The following SLC9A9 variants were observed in gnomAD, a reference collection of about 807,000 sequenced individuals.
The protein encoded by SLC9A9 is solute carrier family 9 member A9.
A neutral mutation model predicts 77.8 loss-of-function variants in SLC9A9; 62 were observed. The observed-to-expected ratio is 0.80, with a 90% confidence interval of 0.65 to 0.98. The LOEUF (loss-of-function observed/expected upper bound fraction) is 0.98. Ranked by LOEUF, SLC9A9 falls within the 50% of genes least tolerant of loss-of-function variation. The pLI is 0.00. For missense variants in SLC9A9, 775 were observed against 774.9 expected (o/e 1.00, Z 0.00); for synonymous variants, 320 against 283.5 (o/e 1.13, Z -1.29).
intron 14 of SLC9A9, among the ~76,000 whole-genome samples, chr3:143,306,251 C>T (rs1198967106): frequency 2.0e-5 from 3 of 152,200 alleles, no homozygotes; most frequent in African/African-American, 7.2e-5. Context: ...CCCCAGAGGA[C>T]CTGGCCCTTT....
chr3:143,511,705 C>A (rs1279767303), intron 9 of SLC9A9, among the ~76,000 whole-genome samples: 2 of 152,178 alleles, frequency 1.3e-5, no homozygotes, highest in Non-Finnish European at 2.9e-5. Flanking sequence ...TAGTCTGTGG[C>A]CTAAGCCCTC....
At chr3:143,385,170 C>T (rs566151658) in intron 12 of SLC9A9, among the ~76,000 whole-genome samples, 2 of 151,814 alleles carry the variant, frequency 1.3e-5, no homozygotes, top group Non-Finnish European at 2.9e-5. Context: ...ATTGTATCTG[C>T]CAGTTAGATT....
chr3:143,540,558 A>G (rs1160944769), intron 9 of SLC9A9, among the ~76,000 whole-genome samples: 1 of 152,188 alleles, frequency 6.6e-6, no homozygotes, highest in East Asian at 1.9e-4. Context: ...ATAAAAGGAT[A>G]AAACAATAGA....
chr3:143,716,119 G>A (rs1264417454), intron 4 of SLC9A9, among the ~76,000 whole-genome samples: 3 of 152,176 alleles, frequency 2.0e-5, no homozygotes, highest in Non-Finnish European at 4.4e-5. Flanking sequence ...CTGTTGCCCA[G>A]GTTGGATTGC....
intron 14 of SLC9A9, among the ~76,000 whole-genome samples, chr3:143,273,487 CCATCT>C (rs1195746978): frequency 6.6e-6 from 1 of 152,138 alleles, no homozygotes; most frequent in Non-Finnish European, 1.5e-5. Flanking sequence ...AAGAAGGCAG[CCATCT>C]GCAAGCCAGG....
At chr3:143,369,496 T>G (rs771215793) in intron 13 of SLC9A9, among the ~76,000 whole-genome samples, 22 of 152,130 alleles carry the variant, frequency 1.4e-4, no homozygotes, top group Non-Finnish European at 2.6e-4. Context: ...AGAGAGGATT[T>G]TAAATGTTCC....
chr3:143,462,455 AT>A (rs1171411066), intron 12 of SLC9A9, among the ~76,000 whole-genome samples: 1 of 152,176 alleles, frequency 6.6e-6, no homozygotes, highest in African/African-American at 2.4e-5. Context: ...ATGCTAACAA[AT>A]TTTTTTACTG....
intron 4 of SLC9A9, among the ~76,000 whole-genome samples, chr3:143,765,132 TTTC>T (rs964298240): frequency 6.6e-6 from 1 of 150,760 alleles, no homozygotes; most frequent in African/African-American, 2.4e-5. Context: ...TCTCTCTTTC[TTTC>T]TTTTTCTTTC....
chr3:143,707,547 C>T (rs2108793907), intron 4 of SLC9A9, among the ~76,000 whole-genome samples: 1 of 152,096 alleles, frequency 6.6e-6, no homozygotes, highest in East Asian at 1.9e-4. Flanking sequence ...CCTTTGTTTC[C>T]CAAATATAAA....
At chr3:143,270,299 T>C (rs1041813576) in intron 14 of SLC9A9, among the ~76,000 whole-genome samples, 1 of 152,192 alleles carries the variant, frequency 6.6e-6, no homozygotes, top group Non-Finnish European at 1.5e-5. Flanking sequence ...ATTTCTTTCA[T>C]TTTATGTATG....
intron 12 of SLC9A9, among the ~76,000 whole-genome samples, chr3:143,399,929 T>C (rs921812675): frequency 6.6e-6 from 1 of 152,214 alleles, no homozygotes; most frequent in Non-Finnish European, 1.5e-5. Flanking sequence ...CTAGATATTG[T>C]GGTAGACATG....
In SLC9A9 at chr3:143,647,648, G is replaced by T. The variant is rs1258452127; in HGVS notation, c.755+4607C>A. Among the ~76,000 whole-genome samples, 3 of 152,160 alleles carry T rather than the reference G, an allele frequency of 2.0e-5. No individual in the cohort carries two copies. The East Asian group carries it at 5.8e-4, about 29-fold the overall frequency. On this transcript the variant is annotated intron_variant, in intron 6 of 15. Coordinates refer to ENST00000316549, the MANE Select transcript of SLC9A9 (RefSeq NM_173653.4). ...GTTATTCTATGACTCCTAAGAATACGCATATATTTTCATTTCTTGACTTAG... is the reference window on the plus strand; with the variant it reads ...GTTATTCTATGACTCCTAAGAATACTCATATATTTTCATTTCTTGACTTAG...
chr3:143,276,661 T>TCAAA (rs139975346), intron 14 of SLC9A9, among the ~76,000 whole-genome samples: 7,271 of 152,110 alleles, frequency 0.048, 172 homozygotes, highest in Non-Finnish European at 0.051. Context: ...TGTCCATGAG[T>TCAAA]CAAACAATGT....
At chr3:143,717,428 T>C (rs1174631285) in intron 4 of SLC9A9, among the ~76,000 whole-genome samples, 14 of 152,244 alleles carry the variant, frequency 9.2e-5, no homozygotes, top group Admixed American at 8.5e-4. Flanking sequence ...TGAGTGTTTA[T>C]GAAATTGTTA....
intron 14 of SLC9A9, among the ~76,000 whole-genome samples, chr3:143,275,997 T>C (rs1017749355): frequency 6.6e-6 from 1 of 152,204 alleles, no homozygotes; most frequent in African/African-American, 2.4e-5. Flanking sequence ...ATGATGAGCT[T>C]TCCTGCTGTT....
At chr3:143,704,829 C>T (rs1396990096) in intron 4 of SLC9A9, among the ~76,000 whole-genome samples, 1 of 152,048 alleles carries the variant, frequency 6.6e-6, no homozygotes, top group East Asian at 1.9e-4. Flanking sequence ...CCCATCTCTA[C>T]TAAAAATACA....
chr3:143,687,682 G>T (rs1933315819), intron 5 of SLC9A9, among the ~76,000 whole-genome samples: 1 of 151,996 alleles, frequency 6.6e-6, no homozygotes, highest in Admixed American at 6.6e-5. Flanking sequence ...GATCTAGAAG[G>T]ATATTAGACC....
chr3:143,718,136 G>A (rs1934402042), intron 4 of SLC9A9, among the ~76,000 whole-genome samples: 2 of 150,500 alleles, frequency 1.3e-5, no homozygotes, highest in Admixed American at 1.3e-4. Flanking sequence ...CATTTCATAC[G>A]AATTGGCACA....
At chr3:143,291,953 C>T (rs2030003304) in intron 14 of SLC9A9, among the ~76,000 whole-genome samples, 1 of 152,214 alleles carries the variant, frequency 6.6e-6, no homozygotes. Flanking sequence ...TCACCCTACA[C>T]CTCTGCTCTA....
Sources: gnomAD v4.1 joint callset for allele counts (sites outside exome capture counted in the v4.1 genomes callset) on GRCh38, gnomAD v4.1.1 for gene constraint, MANE v1.5 for transcripts, NCBI Gene and HGNC (gene_info 2026-07-23, HGNC 2026-07-21) for gene names.